Variants in ZFHX3 observed in about 807,000 individuals in gnomAD.
ZFHX3 encodes the protein zinc finger homeobox protein 3.
ZFHX3 carries 42 observed loss-of-function variants against 279.1 expected under a neutral mutation model. That is an observed-to-expected ratio of 0.15 (90% confidence interval 0.12 to 0.19). ZFHX3 has a LOEUF of 0.19. Ranked by LOEUF, ZFHX3 falls within the 10% of genes least tolerant of loss-of-function variation. The pLI, the probability that ZFHX3 is intolerant of heterozygous loss-of-function variation, is 1.00. For missense variants in ZFHX3, 4,981 were observed against 4,754.0 expected (o/e 1.05, Z -1.40); for synonymous variants, 2,293 against 1,957.8 (o/e 1.17, Z -4.52).
At chr16:73,447,709 G>T (rs887887709) in intron 3 of ZFHX3, among the ~76,000 whole-genome samples, 1 of 152,090 alleles carries the variant, frequency 6.6e-6, no homozygotes, top group Non-Finnish European at 1.5e-5. Flanking sequence ...AGGAAAGAAG[G>T]GTCTCAGGTA....
intron 2 of ZFHX3, among the ~76,000 whole-genome samples, chr16:73,457,350 C>T (rs894516428): frequency 1.3e-5 from 2 of 152,180 alleles, no homozygotes; most frequent in African/African-American, 4.8e-5. Context: ...TCGGTGGCAG[C>T]CCCAGAGCGC....
Position 72,787,978 on chromosome 16 carries a change from G to C in ZFHX3, c.10298C>G (p.Pro3433Arg). ...EQKNTPREVS[P>R]LLPKLPEEPE... ...CTCTTCAGGGAGTTTCGGCAGGAGG[G>C]GGGACACCTCACGGGGGGTGTTTTT... Residue 3433 changes from proline to arginine, a missense_variant, in exon 10 of 10, where the codon CCC (proline) becomes CGC (arginine). This residue lies in a region of ZFHX3 where 1,034 missense variants were observed against 786.0 expected (regional missense o/e 1.32). Transcript: ENST00000268489. 6.2e-7 allele frequency: 1 copy of C among 1,613,856 alleles called. No individual in the cohort carries two copies. Among genetic ancestry groups the C allele is most frequent in the Admixed American group, 1.7e-5 (1 of 60,000 alleles).
intron 1 of ZFHX3, among the ~76,000 whole-genome samples, chr16:73,881,986 C>T (rs77046572): frequency 0.055 from 8,426 of 152,158 alleles, 346 homozygotes; most frequent in Non-Finnish European, 0.088. Flanking sequence ...AGTCTCTTAA[C>T]TTTTATCGTC....
At position 72,784,299 on chromosome 16, in the gene ZFHX3, G is replaced by A. The variant is rs1313476685; in HGVS notation, c.*2865C>T. ...AACAAAAACCCAAACCATCAGGGAGGGGGCAGCAAAATTATAAAGAAAAGA... is the reference window on the plus strand; with the variant it reads ...AACAAAAACCCAAACCATCAGGGAGAGGGCAGCAAAATTATAAAGAAAAGA... On this transcript the variant is annotated 3_prime_UTR_variant, in exon 10 of 10. Transcript: ENST00000268489. 1 of 151,984 alleles carries A rather than the reference G, an allele frequency of 6.6e-6. No homozygotes were observed. Among genetic ancestry groups the A allele is most frequent in the Non-Finnish European group, 1.5e-5 (1 of 67,978 alleles). 9.4% of individuals were successfully genotyped at this position (151,984 alleles called of 1,614,324 possible).
chr16:72,889,155 T>C (rs1456596940), intron 4 of ZFHX3, among the ~76,000 whole-genome samples: 1 of 151,960 alleles, frequency 6.6e-6, no homozygotes, highest in Non-Finnish European at 1.5e-5. Flanking sequence ...CTCGACGCAT[T>C]GAAGCAGCAA....
intron 1 of ZFHX3, among the ~76,000 whole-genome samples, chr16:72,970,999 C>A (rs768650065): frequency 6.6e-6 from 1 of 152,184 alleles, no homozygotes; most frequent in Non-Finnish European, 1.5e-5. Flanking sequence ...ACTGACAATT[C>A]CACCAGCTAG....
intron 3 of ZFHX3, among the ~76,000 whole-genome samples, chr16:73,425,350 T>G (rs2017792456): frequency 6.6e-6 from 1 of 152,212 alleles, no homozygotes; most frequent in East Asian, 1.9e-4. Flanking sequence ...AATACATACA[T>G]AGGTACCTTA....
At chr16:73,596,868 A>C (rs1405844280) in intron 2 of ZFHX3, among the ~76,000 whole-genome samples, 1 of 152,172 alleles carries the variant, frequency 6.6e-6, no homozygotes, top group Non-Finnish European at 1.5e-5. Flanking sequence ...CAAATGAAGA[A>C]ATGAATGAAG....
intron 2 of ZFHX3, among the ~76,000 whole-genome samples, chr16:73,544,243 G>GCATC (rs1025757754): frequency 1.5e-4 from 23 of 152,228 alleles, no homozygotes; most frequent in African/African-American, 5.5e-4. Flanking sequence ...ATTTATTTCC[G>GCATC]CATCGCCACA....
chr16:73,664,545 A>C (rs1412996931), intron 2 of ZFHX3, among the ~76,000 whole-genome samples: 1 of 152,244 alleles, frequency 6.6e-6, no homozygotes, highest in Non-Finnish European at 1.5e-5. Flanking sequence ...ATCCACAAAT[A>C]GTCACCAATA....
chr16:72,863,256 G>A (rs1336874368), intron 4 of ZFHX3, among the ~76,000 whole-genome samples: 1 of 148,410 alleles, frequency 6.7e-6, no homozygotes, highest in Non-Finnish European at 1.5e-5. Flanking sequence ...TAATCCCAGT[G>A]CTTTGGGAGG....
At chr16:73,014,514 TCTTC>T (rs1404758541) in intron 1 of ZFHX3, 1 of 140,494 alleles carries the variant, frequency 7.1e-6, no homozygotes, top group African/African-American at 2.7e-5. Context: ...GGTAATTTCT[TCTTC>T]TTTTTTTTTT....
intron 2 of ZFHX3, among the ~76,000 whole-genome samples, chr16:73,629,852 C>CA (rs2052451733): frequency 6.6e-6 from 1 of 152,108 alleles, no homozygotes; most frequent in African/African-American, 2.4e-5. Context: ...AGGTTGCATA[C>CA]AAAATTCAAG....
chr16:73,668,455 A>G (rs903022767), intron 2 of ZFHX3, among the ~76,000 whole-genome samples: 1 of 152,002 alleles, frequency 6.6e-6, no homozygotes, highest in African/African-American at 2.4e-5. Context: ...TCCCTCACCT[A>G]GCCCCCCACC....
chr16:73,626,054 C>A (rs186752349), intron 2 of ZFHX3, among the ~76,000 whole-genome samples: 24 of 152,204 alleles, frequency 1.6e-4, no homozygotes, highest in Non-Finnish European at 2.9e-4. Context: ...GACGGGGTTT[C>A]ATCGTGTTAG....
chr16:73,184,802 A>G lies in ZFHX3; in HGVS notation c.-1103-40971T>C, dbSNP rs115534034. ...AAATGTCAAACGTAAACCTGAAAAC[A>G]TAATTGTTCCCTTAATGAAATTCAG... On this transcript the variant is annotated intron_variant, in intron 5 of 17. Transcript: ENST00000641206. 9.3e-3 allele frequency among the ~76,000 whole-genome samples: 1,418 copies of G among 152,344 alleles called. 21 individuals are homozygous for G. The highest frequency in any genetic ancestry group is 0.032 in the African/African-American group (1,326 of 41,586).
intron 3 of ZFHX3, among the ~76,000 whole-genome samples, chr16:72,915,224 A>G (rs1208871942): frequency 6.6e-6 from 1 of 152,168 alleles, no homozygotes; most frequent in Non-Finnish European, 1.5e-5. Flanking sequence ...TTGTTTTCCC[A>G]TTGTGTCAAC....
intron 4 of ZFHX3, among the ~76,000 whole-genome samples, chr16:73,304,794 A>AG (rs1200339277): frequency 6.6e-6 from 1 of 152,202 alleles, no homozygotes; most frequent in Non-Finnish European, 1.5e-5. Flanking sequence ...CTCTAAGAGC[A>AG]GCCTCCATAA....
intron 2 of ZFHX3, among the ~76,000 whole-genome samples, chr16:73,587,913 A>G (rs1159174840): frequency 6.6e-6 from 1 of 152,246 alleles, no homozygotes; most frequent in African/African-American, 2.4e-5. Flanking sequence ...AACTTAAATA[A>G]ACATAGTACA....
Sources: gnomAD v4.1 joint callset for allele counts (sites outside exome capture counted in the v4.1 genomes callset) on GRCh38, gnomAD v4.1.1 for gene constraint, gnomAD v4.1.1 regional missense constraint, MANE v1.5 for transcripts, NCBI Gene and HGNC (gene_info 2026-07-23, HGNC 2026-07-21) for gene names.